The following TLK1 variants were observed in gnomAD, a reference collection of about 807,000 sequenced individuals.
TLK1 encodes tousled like kinase 1.
A neutral mutation model predicts 105.3 loss-of-function variants in TLK1; 24 were observed. The ratio of observed to expected loss-of-function variants is 0.23; its 90% CI spans 0.17 to 0.32. TLK1 has a LOEUF of 0.32. TLK1 is among the 10% of genes least tolerant of loss of function. The probability of loss-of-function intolerance (pLI) is 1.00; values close to 1 mark genes in which losing one functional copy is unlikely to be tolerated. For synonymous variants in TLK1, 321 were observed against 310.4 expected (o/e 1.03, Z -0.36); for missense variants, 558 against 910.5 (o/e 0.61, Z 4.98).
rs191902619 is a variant in TLK1, at chr2:171,210,272, T to A, written c.-6+20873A>T. 2.3e-3 allele frequency among the ~76,000 whole-genome samples: 352 copies of A among 152,070 alleles called. 2 individuals carry two copies. Among genetic ancestry groups the A allele is most frequent in the African/African-American group, 7.2e-3 (300 of 41,464 alleles). Reference sequence around the variant, plus strand: ...GCCACTCACACCTTCACGTTCTTTTTTTATTATTTTTTTTTTTTATAGGAG... The same window carrying A: ...GCCACTCACACCTTCACGTTCTTTTATTATTATTTTTTTTTTTTATAGGAG... On this transcript the variant is annotated intron_variant, in intron 1 of 20. Coordinates refer to the TLK1 transcript ENST00000521943.
chr2:171,154,365 A>G (rs1014273627), intron 1 of TLK1: 1 of 152,134 alleles, frequency 6.6e-6, no homozygotes, highest in Non-Finnish European at 1.5e-5. Context: ...GAGAGCCTCT[A>G]ATCCAATGCT....
At chr2:171,129,830 A>AGTAACATAAC (rs1691021104) in intron 1 of TLK1, among the ~76,000 whole-genome samples, 1 of 142,582 alleles carries the variant, frequency 7.0e-6, no homozygotes, top group Non-Finnish European at 1.5e-5. Context: ...TAGGTTACCA[A>AGTAACATAAC]ATAACATAAC....
intron 18 of TLK1, among the ~76,000 whole-genome samples, chr2:170,999,821 C>T (rs1295767976): frequency 6.6e-6 from 1 of 151,836 alleles, no homozygotes; most frequent in African/African-American, 2.4e-5. Flanking sequence ...TGCAGTGGTG[C>T]GATCACGGCT....
At chr2:171,115,925 G>C (rs1690406112) in intron 2 of TLK1, among the ~76,000 whole-genome samples, 2 of 152,150 alleles carry the variant, frequency 1.3e-5, no homozygotes, top group African/African-American at 2.4e-5. Context: ...GATACAAAGA[G>C]ATGTACAAGG....
chr2:171,183,045 G>A (rs1036062685), intron 1 of TLK1, among the ~76,000 whole-genome samples: 1 of 152,044 alleles, frequency 6.6e-6, no homozygotes, highest in Non-Finnish European at 1.5e-5. Flanking sequence ...TATAATTCTT[G>A]CAATTTTTCT....
intron 1 of TLK1, among the ~76,000 whole-genome samples, chr2:171,201,033 T>C (rs218309): frequency 0.66 from 100,728 of 151,744 alleles, 33,950 homozygotes; most frequent in East Asian, 0.95. Flanking sequence ...AGGTGCATGC[T>C]AACATGCCCA....
intron 7 of TLK1, 134 bp from the exon 8 acceptor site, chr2:171,053,987 A>G (rs1170130617): frequency 1.6e-6 from 1 of 634,748 alleles, no homozygotes; most frequent in East Asian, 3.2e-5. Flanking sequence ...AATCTCAAAA[A>G]GTTTTAGTGC....
At chr2:171,113,595 G>A (rs1453405148) in intron 2 of TLK1, among the ~76,000 whole-genome samples, 1 of 152,022 alleles carries the variant, frequency 6.6e-6, no homozygotes, top group African/African-American at 2.4e-5. Context: ...TCATATATAT[G>A]TAAATCATAT....
At chr2:171,071,301 T>C (rs1688243368) in intron 3 of TLK1, among the ~76,000 whole-genome samples, 1 of 152,094 alleles carries the variant, frequency 6.6e-6, no homozygotes, top group Admixed American at 6.6e-5. Flanking sequence ...GTCCTTTTTT[T>C]TTTTGACATG....
chr2:171,130,091 G>C (rs1249554128), intron 1 of TLK1, among the ~76,000 whole-genome samples: 1 of 152,150 alleles, frequency 6.6e-6, no homozygotes, highest in African/African-American at 2.4e-5. Context: ...GCCACGTAGT[G>C]ACCCGATTAT....
At position 170,991,731 on chromosome 2, in the gene TLK1, A is replaced by G. The variant is rs1683791909; in HGVS notation, c.*2049T>C. 1 of 152,214 alleles carries G rather than the reference A, an allele frequency of 6.6e-6. No individual in the cohort carries two copies. The highest frequency in any genetic ancestry group is 1.5e-5 in the Non-Finnish European group (1 of 68,026). 9.4% of individuals were successfully genotyped at this position (152,214 alleles called of 1,614,324 possible). ...TACACATTCACTTCGTATCTCCCCAAAATTTTAAGCACAACAGGCATTTCC... is the reference window on the plus strand; with the variant it reads ...TACACATTCACTTCGTATCTCCCCAGAATTTTAAGCACAACAGGCATTTCC... On this transcript the variant is annotated 3_prime_UTR_variant, in exon 21 of 21. Transcript: ENST00000431350.
At chr2:171,107,000 C>G (rs1160989336) in intron 2 of TLK1, among the ~76,000 whole-genome samples, 1 of 152,210 alleles carries the variant, frequency 6.6e-6, no homozygotes, top group Non-Finnish European at 1.5e-5. Context: ...CACATTACAT[C>G]TGATTGCTAT....
intron 2 of TLK1, among the ~76,000 whole-genome samples, chr2:171,092,713 T>C (rs981717697): frequency 2.0e-5 from 3 of 152,248 alleles, no homozygotes; most frequent in African/African-American, 7.2e-5. Flanking sequence ...TCTGCTGTGG[T>C]TACTACTAGA....
intron 18 of TLK1, among the ~76,000 whole-genome samples, chr2:171,003,994 G>A (rs778658472): frequency 2.7e-5 from 4 of 150,596 alleles, no homozygotes; most frequent in Non-Finnish European, 4.4e-5. Context: ...TTGCTCTGTC[G>A]CCCAGGCAGG....
chr2:171,075,934 G>GGAGGCA (rs1688481802), intron 3 of TLK1, among the ~76,000 whole-genome samples: 1 of 152,092 alleles, frequency 6.6e-6, no homozygotes, highest in African/African-American at 2.4e-5. Flanking sequence ...GAGGTGGGAG[G>GGAGGCA]GAGGCAGGTG....
At chr2:171,224,337 A>G (rs531919342) in intron 1 of TLK1, among the ~76,000 whole-genome samples, 13 of 152,196 alleles carry the variant, frequency 8.5e-5, no homozygotes, top group Non-Finnish European at 1.3e-4. Flanking sequence ...TGTTTGTGTT[A>G]CTATAGCTTT....
At chr2:171,127,359 A>G (rs1475709534) in intron 1 of TLK1, among the ~76,000 whole-genome samples, 4 of 152,100 alleles carry the variant, frequency 2.6e-5, no homozygotes. Context: ...TTGTCTTGAA[A>G]CATCCATTTT....
At chr2:171,155,785 A>G (rs868852375) in intron 1 of TLK1, 8 of 152,290 alleles carry the variant, frequency 5.3e-5, no homozygotes, top group Admixed American at 2.6e-4. Flanking sequence ...TTCCAAGTCT[A>G]GTTGTCATAC....
intron 2 of TLK1, among the ~76,000 whole-genome samples, chr2:171,114,351 C>A (rs1434796657): frequency 1.3e-5 from 2 of 152,144 alleles, no homozygotes; most frequent in Non-Finnish European, 2.9e-5. Flanking sequence ...GGCTTTTGAA[C>A]TGGGGAGATT....
Sources: allele counts gnomAD v4.1 joint callset (sites outside exome capture counted in the v4.1 genomes callset), GRCh38; gene constraint gnomAD v4.1.1; transcripts MANE v1.5; gene names NCBI Gene and HGNC (gene_info 2026-07-23, HGNC 2026-07-21).